Variants in FGF13 observed in about 807,000 individuals in gnomAD.
FGF13 encodes the protein fibroblast growth factor 13.
Under a neutral mutation model 19.5 loss-of-function variants are expected in FGF13, and 2 were observed. The ratio of observed to expected loss-of-function variants is 0.10; its 90% CI spans 0.04 to 0.32. The LOEUF (loss-of-function observed/expected upper bound fraction) is 0.32, where lower values mean the gene tolerates loss of function less well. Among genes scored for constraint, FGF13 ranks in the 10% least tolerant of loss-of-function variants. The pLI is 1.00. For synonymous variants in FGF13, 72 were observed against 76.9 expected (o/e 0.94, Z 0.33); for missense variants, 113 against 192.7 (o/e 0.59, Z 2.45).
intron 3 of FGF13, among the ~76,000 whole-genome samples, chrX:138,805,887 G>A (rs1418471250): frequency 3.6e-5 from 4 of 110,729 alleles, no homozygotes; most frequent in Non-Finnish European, 5.7e-5. Context: ...AGAGAAAGGG[G>A]AATGCTGGGT....
chrX:139,169,270 T>G (rs1159023471), intron 1 of FGF13, among the ~76,000 whole-genome samples: 1 of 111,844 alleles, frequency 8.9e-6, no homozygotes, highest in African/African-American at 3.3e-5. Context: ...AAATATCCAA[T>G]GCTAGAGCAT....
intron 3 of FGF13, among the ~76,000 whole-genome samples, chrX:138,678,713 G>T (rs1027509667): frequency 1.8e-5 from 2 of 112,017 alleles, no homozygotes; most frequent in Non-Finnish European, 3.8e-5. Context: ...TTTTTCCACT[G>T]ATAGTCTCAG....
At position 138,620,187 on chromosome X, in the gene FGF13, G is replaced by A. The variant is rs2089003383; in HGVS notation, c.*12663C>T. Reference sequence around the variant, plus strand: ...TTCAGGGACACACATGGCGCTGGAAGCCATTATTCTTAGCAAGCTATTGCA... The same window carrying A: ...TTCAGGGACACACATGGCGCTGGAAACCATTATTCTTAGCAAGCTATTGCA... On this transcript the variant is annotated 3_prime_UTR_variant, in exon 5 of 5. Coordinates refer to ENST00000315930, the MANE Select transcript of FGF13 (RefSeq NM_004114.5). The A allele has an allele frequency of 9.0e-6, 1 of 111,522 alleles. No homozygotes were observed. The highest frequency in any genetic ancestry group is 2.8e-4 in the East Asian group (1 of 3,542). The allele number at this position is 111,522 out of a possible 1,213,427, so 9.2% of individuals were successfully genotyped here.
In FGF13 at chrX:138,685,648, A is replaced by T. The variant is rs781670051; in HGVS notation, c.402+17336T>A. Reference sequence around the variant, plus strand: ...AGATAATGCAGGCAATAGGGCTTTAAAAGTATGAATTGCCATACTTAAAAG... The same window carrying T: ...AGATAATGCAGGCAATAGGGCTTTATAAGTATGAATTGCCATACTTAAAAG... On this transcript the variant is annotated intron_variant, in intron 3 of 4. Coordinates refer to ENST00000315930, the MANE Select transcript of FGF13 (RefSeq NM_004114.5). 5.4e-5 allele frequency among the ~76,000 whole-genome samples: 6 copies of T among 111,590 alleles called. No individual in the cohort carries two copies. In the East Asian group the frequency reaches 1.1e-3, roughly 21 times the overall value.
chrX:139,065,298 A>G (rs1400176787), intron 1 of FGF13, among the ~76,000 whole-genome samples: 2 of 110,404 alleles, frequency 1.8e-5, no homozygotes, highest in Non-Finnish European at 3.8e-5. Context: ...AAATTCACAC[A>G]TAACAATATT....
chrX:139,050,577 C>T (rs1009093683), intron 1 of FGF13, among the ~76,000 whole-genome samples: 1 of 111,958 alleles, frequency 8.9e-6, no homozygotes, highest in African/African-American at 3.2e-5. Flanking sequence ...TCACTAGTGC[C>T]ACAAAGTTAT....
intron 1 of FGF13, among the ~76,000 whole-genome samples, chrX:139,024,956 T>A (rs1418232568): frequency 9.0e-6 from 1 of 111,235 alleles, no homozygotes; most frequent in Non-Finnish European, 1.9e-5. Context: ...CATAGTTTAC[T>A]GCTTCTTCTA....
intron 3 of FGF13, among the ~76,000 whole-genome samples, chrX:138,810,874 G>C (rs2090916943): frequency 8.9e-6 from 1 of 111,899 alleles, no homozygotes; most frequent in Non-Finnish European, 1.9e-5. Context: ...TCAGAGAAAT[G>C]CAAATCAAAA....
chrX:138,908,321 G>A lies in FGF13; in HGVS notation c.-112-43671C>T, dbSNP rs1347453713. Among the ~76,000 whole-genome samples the A allele has an allele frequency of 7.5e-5, 8 of 106,556 alleles. No individual in the cohort carries two copies. The East Asian group carries it at 1.2e-3, about 16-fold the overall frequency. The allele number at this position is 106,556 out of a possible 115,157, so 92.5% of individuals were successfully genotyped here. A position where few individuals can be genotyped will look rare whatever the true frequency, so the allele number is the denominator to read the frequency against. ...TCTCGATCTCCTGACCTCATGATCC[G>A]CCCACCTTGGCTCCCAAAGTGCTGG... On this transcript the variant is annotated intron_variant, in intron 1 of 2. Transcript: ENST00000421460.
intron 3 of FGF13, among the ~76,000 whole-genome samples, chrX:138,835,004 GTGCT>G (rs2091101244): frequency 8.9e-6 from 1 of 111,863 alleles, no homozygotes; most frequent in South Asian, 3.7e-4. Context: ...AAATTTGATT[GTGCT>G]ATGGTCCAAG....
intron 3 of FGF13, among the ~76,000 whole-genome samples, chrX:138,696,422 A>G (rs1353250403): frequency 8.9e-6 from 1 of 111,997 alleles, no homozygotes; most frequent in East Asian, 2.8e-4. Flanking sequence ...ATGGTTGGAC[A>G]GCCTTGTGAA....
intron 1 of FGF13, among the ~76,000 whole-genome samples, chrX:139,049,028 T>C (rs967227914): frequency 5.4e-5 from 6 of 111,815 alleles, no homozygotes; most frequent in Non-Finnish European, 1.1e-4. Flanking sequence ...TATTATGATG[T>C]TTACTATTGG....
At chrX:138,893,104 GAA>G (rs1412412737) in intron 1 of FGF13, among the ~76,000 whole-genome samples, 1 of 111,585 alleles carries the variant, frequency 9.0e-6, no homozygotes, top group Non-Finnish European at 1.9e-5. Flanking sequence ...GATTAGAAGA[GAA>G]AGGGGACAAT....
intron 1 of FGF13, among the ~76,000 whole-genome samples, chrX:139,155,147 A>G (rs1243211395): frequency 8.9e-6 from 1 of 111,847 alleles, no homozygotes; most frequent in African/African-American, 3.3e-5. Context: ...GAGCACATAT[A>G]CAGGCCATAT....
chrX:139,051,184 T>C (rs1294884190), intron 1 of FGF13, among the ~76,000 whole-genome samples: 2 of 112,241 alleles, frequency 1.8e-5, no homozygotes, highest in African/African-American at 3.2e-5. Flanking sequence ...GTGTAAGATG[T>C]CCTAGGTAGC....
chrX:138,949,099 A>T (rs1037741520), intron 1 of FGF13, among the ~76,000 whole-genome samples: 2 of 111,641 alleles, frequency 1.8e-5, no homozygotes, highest in African/African-American at 6.5e-5. Context: ...CTGCTACAGC[A>T]TTGCTACAGA....
Position 138,978,043 on chromosome X carries a change from T to A in FGF13, c.-112-113393A>T, listed in dbSNP as rs1374110752. Among the ~76,000 whole-genome samples the A allele has an allele frequency of 2.7e-5, 3 of 111,545 alleles. No homozygotes were observed. The East Asian group carries it at 8.5e-4, about 31-fold the overall frequency. The stretch of plus-strand genomic sequence containing the variant: ...ACTGGCTATCATATCAAATAGCAGC[T>A]ATCATAGCAGAAAGTGTGGATGTAG... On this transcript the variant is annotated intron_variant, in intron 1 of 2. Transcript: ENST00000421460.
In FGF13 at chrX:139,090,121, C is replaced by A. The variant is rs181577219; in HGVS notation, c.-113+113295G>T. The stretch of plus-strand genomic sequence containing the variant: ...CATAAAAATGCACATAAAACTACTA[C>A]TAATAATAAGCTACATTTTTGAGCT... On this transcript the variant is annotated intron_variant, in intron 1 of 2. Coordinates refer to the FGF13 transcript ENST00000421460. 1.7e-3 allele frequency among the ~76,000 whole-genome samples: 186 copies of A among 112,231 alleles called. 6 individuals are homozygous for A. The Admixed American group carries it at 0.017, about 10-fold the overall frequency.
rs186268147 is a variant in FGF13, at chrX:139,138,373, G to A, written c.-113+65043C>T. ...GCTATTATAGAAACCAATTGAAGAA[G>A]TAAGACAGCAGGATTTGGCCACTCT... On this transcript the variant is annotated intron_variant, in intron 1 of 2. Coordinates refer to the FGF13 transcript ENST00000421460. Among the ~76,000 whole-genome samples the A allele has an allele frequency of 2.2e-3, 243 of 111,800 alleles. 1 individual carries two copies. Among genetic ancestry groups the A allele is most frequent in the African/African-American group, 6.1e-3 (188 of 30,774 alleles).
Sources: allele counts gnomAD v4.1 joint callset (sites outside exome capture counted in the v4.1 genomes callset), GRCh38; gene constraint gnomAD v4.1.1; transcripts MANE v1.5; gene names NCBI Gene and HGNC (gene_info 2026-07-23, HGNC 2026-07-21).